Variants in DLG2 observed in about 807,000 individuals in gnomAD.
The protein encoded by DLG2 is disks large homolog 2.
In DLG2, 45 loss-of-function variants were observed where a neutral mutation model predicts 132.5. The ratio of observed to expected loss-of-function variants is 0.34; its 90% CI spans 0.27 to 0.44. The LOEUF (loss-of-function observed/expected upper bound fraction) is 0.44. Ranked by LOEUF, DLG2 falls within the 20% of genes least tolerant of loss-of-function variation. The pLI is 1.00. For synonymous variants in DLG2, 424 were observed against 419.6 expected (o/e 1.01, Z -0.13); for missense variants, 1,045 against 1,196.9 (o/e 0.87, Z 1.87).
chr11:85,049,607 A>G (rs996370788), intron 6 of DLG2, among the ~76,000 whole-genome samples: 2 of 152,082 alleles, frequency 1.3e-5, no homozygotes, highest in African/African-American at 4.8e-5. Flanking sequence ...AAATTGCTCA[A>G]AATTATTTTT....
At chr11:85,579,293 A>C (rs2078359163) in intron 3 of DLG2, among the ~76,000 whole-genome samples, 2 of 152,160 alleles carry the variant, frequency 1.3e-5, no homozygotes. Context: ...ACTAGGCTTA[A>C]TACCCAGGTG....
At chr11:83,880,374 T>C (rs945489909) in intron 15 of DLG2, among the ~76,000 whole-genome samples, 6 of 152,058 alleles carry the variant, frequency 3.9e-5, no homozygotes, top group African/African-American at 7.3e-5. Context: ...CAGTAAAAAT[T>C]AAGAAAAGAG....
chr11:83,840,110 G>A (rs1340743844), intron 16 of DLG2, among the ~76,000 whole-genome samples: 15 of 152,140 alleles, frequency 9.9e-5, no homozygotes, highest in Non-Finnish European at 4.4e-5. Flanking sequence ...TTTTGGCTCA[G>A]GCCACCTTAA....
rs908216509 is a variant in DLG2 at position 85,350,923 on chromosome 11, A to T, written c.41-65558T>A. Among the ~76,000 whole-genome samples the T allele has an allele frequency of 7.9e-5, 12 of 152,140 alleles. No individual in the cohort carries two copies. In the South Asian group the frequency reaches 2.3e-3, roughly 29 times the overall value. On this transcript the variant is annotated intron_variant, in intron 3 of 27. Transcript: ENST00000376104. ...TTTTGGTTCCATATGAACTTTAAAG[A>T]AGTTTTTTCCAATTCTGTGAAGAAA...
At chr11:83,779,045 G>C (rs966214541) in intron 18 of DLG2, among the ~76,000 whole-genome samples, 1 of 152,090 alleles carries the variant, frequency 6.6e-6, no homozygotes, top group Non-Finnish European at 1.5e-5. Context: ...CTAGAGTCAT[G>C]TAAAGTTTTA....
chr11:83,822,106 C>T (rs982553535), intron 17 of DLG2, among the ~76,000 whole-genome samples: 1 of 152,094 alleles, frequency 6.6e-6, no homozygotes. Context: ...AGAGTCCAGT[C>T]CTTTTACTAC....
chr11:83,829,940 C>G (rs1460719224), intron 17 of DLG2, among the ~76,000 whole-genome samples: 1 of 152,088 alleles, frequency 6.6e-6, no homozygotes, highest in Non-Finnish European at 1.5e-5. Context: ...TGTTCGCCAT[C>G]CTGTGTCCAA....
At chr11:85,475,575 A>G (rs1198320287) in intron 3 of DLG2, among the ~76,000 whole-genome samples, 1 of 152,124 alleles carries the variant, frequency 6.6e-6, no homozygotes, top group African/African-American at 2.4e-5. Flanking sequence ...AACAGAGTAA[A>G]GAGAAACTAA....
At chr11:85,041,472 C>T (rs1211304147) in intron 6 of DLG2, among the ~76,000 whole-genome samples, 1 of 151,872 alleles carries the variant, frequency 6.6e-6, no homozygotes, top group Non-Finnish European at 1.5e-5. Context: ...ATGTCAATTT[C>T]ATAGAGTTGT....
intron 19 of DLG2, among the ~76,000 whole-genome samples, chr11:83,587,825 T>C (rs769815839): frequency 1.5e-4 from 23 of 152,160 alleles, no homozygotes; most frequent in Admixed American, 7.2e-4. Context: ...ATTGCCTCAC[T>C]TGGGAAGTGC....
At chr11:84,086,652 G>A (rs1359165695) in intron 10 of DLG2, among the ~76,000 whole-genome samples, 1 of 151,856 alleles carries the variant, frequency 6.6e-6, no homozygotes, top group South Asian at 2.1e-4. Context: ...ACCACACCTG[G>A]CTAATTTTTG....
intron 11 of DLG2, among the ~76,000 whole-genome samples, chr11:84,004,662 G>T (rs956486896): frequency 8.6e-5 from 13 of 151,836 alleles, no homozygotes; most frequent in African/African-American, 3.1e-4. Context: ...AACAAATTCA[G>T]AAGGCAATTT....
chr11:84,274,665 A>G (rs1182962847), intron 7 of DLG2, among the ~76,000 whole-genome samples: 1 of 152,182 alleles, frequency 6.6e-6, no homozygotes, highest in African/African-American at 2.4e-5. Context: ...TTTCTTTTCA[A>G]TTTTGAACTG....
At chr11:85,261,135 G>C (rs553772196) in intron 4 of DLG2, among the ~76,000 whole-genome samples, 3 of 152,140 alleles carry the variant, frequency 2.0e-5, no homozygotes, top group Non-Finnish European at 2.9e-5. Context: ...GGAAATAACA[G>C]ACAGCACAGC....
At chr11:85,269,619 A>G (rs1331056770) in intron 4 of DLG2, among the ~76,000 whole-genome samples, 1 of 152,254 alleles carries the variant, frequency 6.6e-6, no homozygotes, top group Non-Finnish European at 1.5e-5. Flanking sequence ...AGCTTGGCAT[A>G]CTGTTAATAT....
At chr11:83,897,321 A>G (rs1376176818) in intron 15 of DLG2, among the ~76,000 whole-genome samples, 1 of 152,226 alleles carries the variant, frequency 6.6e-6, no homozygotes, top group Non-Finnish European at 1.5e-5. Flanking sequence ...AGAAAGAAGC[A>G]ATGAGGAAAC....
intron 11 of DLG2, among the ~76,000 whole-genome samples, chr11:84,041,961 G>A (rs2096095981): frequency 6.6e-6 from 1 of 151,864 alleles, no homozygotes; most frequent in Admixed American, 6.6e-5. Context: ...CTCTTCTCTT[G>A]TGTGCCACCA....
rs573819994 is a variant in DLG2 at position 85,002,101 on chromosome 11, G to A, written c.357+109560C>T. On this transcript the variant is annotated intron_variant, in intron 6 of 27. Coordinates refer to ENST00000376104, the MANE Select transcript of DLG2 (RefSeq NM_001142699.3). ...GATAGTCAGTGTTGAAAACTACTGA[G>A]CTTGATCAATCTTTGTTTTAATTAT... 4.6e-5 allele frequency among the ~76,000 whole-genome samples: 7 copies of A among 152,252 alleles called. 1 individual carries two copies. Among genetic ancestry groups the A allele is most frequent in the African/African-American group, 1.7e-4 (7 of 41,540 alleles).
At chr11:84,036,608 T>C (rs1201879941) in intron 11 of DLG2, among the ~76,000 whole-genome samples, 3 of 152,144 alleles carry the variant, frequency 2.0e-5, no homozygotes, top group South Asian at 2.1e-4. Context: ...TACTGAGGAA[T>C]TGCATTGATG....
Sources: allele counts gnomAD v4.1 joint callset (sites outside exome capture counted in the v4.1 genomes callset), GRCh38; gene constraint gnomAD v4.1.1; transcripts MANE v1.5; gene names NCBI Gene and HGNC (gene_info 2026-07-23, HGNC 2026-07-21).